CSF1R: variants seen among roughly 807,000 people sequenced by gnomAD.
The protein encoded by CSF1R is colony stimulating factor 1 receptor.
Under a neutral mutation model 110.0 loss-of-function variants are expected in CSF1R, and 40 were observed. The observed-to-expected ratio is 0.36, with a 90% CI of 0.28 to 0.47. The LOEUF (loss-of-function observed/expected upper bound fraction) is 0.47. Ranked by LOEUF, CSF1R falls within the 20% of genes least tolerant of loss-of-function variation. The pLI is 0.99. For synonymous variants in CSF1R, 523 were observed against 503.4 expected (o/e 1.04, Z -0.52); for missense variants, 1,052 against 1,253.0 (o/e 0.84, Z 2.42).
chr5:150,078,526 C>T (rs1453766477), intron 3 of CSF1R, among the ~76,000 whole-genome samples: 7 of 152,142 alleles, frequency 4.6e-5, no homozygotes, highest in Non-Finnish European at 7.4e-5. Context: ...CAGAGACCTC[C>T]CTGCCTCCCT....
intron 1 of CSF1R, among the ~76,000 whole-genome samples, chr5:150,093,192 C>T (rs1366921270): frequency 8.5e-5 from 13 of 152,196 alleles, no homozygotes; most frequent in African/African-American, 2.4e-4. Flanking sequence ...GATTCTCACG[C>T]ATCAGCCTCC....
upstream of CSF1R, chr5:150,086,566 C>G: frequency 1.3e-6 from 1 of 752,670 alleles, no homozygotes; most frequent in Non-Finnish European, 2.2e-6. Context: ...TCTTGTTTTC[C>G]TCTTCCTCCT....
intron 6 of CSF1R, among the ~76,000 whole-genome samples, chr5:150,071,271 G>A (rs1758020450): frequency 2.0e-5 from 3 of 152,122 alleles, no homozygotes; most frequent in Admixed American, 2.0e-4. Context: ...CTGATTCTGG[G>A]AAATTTTTTG....
At chr5:150,084,363 G>C (rs1205573735) in intron 1 of CSF1R, among the ~76,000 whole-genome samples, 3 of 52,346 alleles carry the variant, frequency 5.7e-5, no homozygotes, top group Non-Finnish European at 1.1e-4. Context: ...AAGAAAGAAA[G>C]AAAGAAAGAA....
chr5:150,081,083 T>C lies in CSF1R; in HGVS notation c.50-59A>G, dbSNP rs949503342. On this transcript the variant is annotated intron_variant, in intron 1 of 20. Transcript: ENST00000675795. The stretch of plus-strand genomic sequence containing the variant: ...GGTCTAGGATGCGCCCCTTGGGCCG[T>C]CCTGACTCTGAGATGGGTGGTAGCT... 7 of 1,586,936 alleles carry C rather than the reference T, an allele frequency of 4.4e-6. No individual in the cohort carries two copies. In the Admixed American group the frequency reaches 6.8e-5, roughly 15 times the overall value.
intron 1 of CSF1R, among the ~76,000 whole-genome samples, chr5:150,111,936 G>A (rs937202235): frequency 5.3e-5 from 8 of 152,072 alleles, no homozygotes; most frequent in Non-Finnish European, 8.8e-5. Context: ...TACTTTAACC[G>A]GGCTCCCCAT....
intron 1 of CSF1R, among the ~76,000 whole-genome samples, chr5:150,093,829 CAAGGTGGG>C (rs1759122087): frequency 1.3e-5 from 2 of 152,112 alleles, no homozygotes; most frequent in African/African-American, 4.8e-5. Flanking sequence ...TTTGGGAGGC[CAAGGTGGG>C]CAGGTCACCT....
chr5:150,089,124 A>G (rs1758955967), upstream of CSF1R, among the ~76,000 whole-genome samples: 1 of 152,224 alleles, frequency 6.6e-6, no homozygotes, highest in South Asian at 2.1e-4. Flanking sequence ...ATTCAATGGT[A>G]AAAGACTGAG....
At chr5:150,079,678 A>G (rs1758435042) in intron 3 of CSF1R, among the ~76,000 whole-genome samples, 1 of 152,228 alleles carries the variant, frequency 6.6e-6, no homozygotes, top group Non-Finnish European at 1.5e-5. Context: ...GCTGAAGCAG[A>G]TCTTTGCACA....
intron 1 of CSF1R, among the ~76,000 whole-genome samples, chr5:150,109,180 G>C (rs1311290979): frequency 6.6e-6 from 1 of 151,592 alleles, no homozygotes; most frequent in Non-Finnish European, 1.5e-5. Context: ...ACACCCCCGG[G>C]GAAGGTAGGA....
intron 1 of CSF1R, among the ~76,000 whole-genome samples, chr5:150,112,700 G>A (rs1315006591): frequency 1.3e-5 from 2 of 152,220 alleles, no homozygotes; most frequent in East Asian, 1.9e-4. Flanking sequence ...TCCCTGGGAT[G>A]GTGGGCTTTG....
chr5:150,070,631 T>C, intron 6 of CSF1R, 60 bp from the exon 7 acceptor site: 1 of 1,227,594 alleles, frequency 8.1e-7, no homozygotes, highest in Non-Finnish European at 1.1e-6. Flanking sequence ...CCTGCCAGGA[T>C]TGCAGTCAGA....
chr5:150,057,242 G>A (rs2113781671), intron 16 of CSF1R, 45 bp downstream of exon 16: 1 of 1,556,354 alleles, frequency 6.4e-7, no homozygotes, highest in Non-Finnish European at 8.8e-7. Flanking sequence ...CCTCCCCGGA[G>A]CACAGACCTG....
chr5:150,106,770 C>T (rs893431455), intron 1 of CSF1R, among the ~76,000 whole-genome samples: 1 of 152,194 alleles, frequency 6.6e-6, no homozygotes, highest in Non-Finnish European at 1.5e-5. Flanking sequence ...ACACTTGCAG[C>T]TCCTGCATAC....
At chr5:150,061,880 C>A in intron 10 of CSF1R, 31 bp from the exon 11 acceptor site, 2 of 1,613,526 alleles carry the variant, frequency 1.2e-6, no homozygotes, top group South Asian at 2.2e-5. Flanking sequence ...ACGTGGCAGT[C>A]GGGGCTGGCA....
intron 10 of CSF1R, 73 bp from the exon 11 acceptor site, chr5:150,061,922 A>G (rs960535415): frequency 3.0e-5 from 48 of 1,604,544 alleles, no homozygotes; most frequent in Non-Finnish European, 4.1e-5. Context: ...CTGACCCCCA[A>G]GAGCAGGGGT....
In CSF1R at chr5:150,078,158, C is replaced by T; in HGVS notation, c.683G>A (p.Ser228Asn). The T allele has an allele frequency of 6.2e-7, 1 of 1,614,156 alleles. No individual in the cohort carries two copies. The change falls in exon 4 of 21, where the codon AGC (serine) becomes AAC (asparagine). Residue 228 changes from serine (S) to asparagine (N), a missense_variant. Coordinates refer to ENST00000675795, the MANE Select transcript of CSF1R (RefSeq NM_001288705.3). Reference protein sequence around the residue: ...EAAQIVCSASSVDVNFDVFLQ... With the variant: ...EAAQIVCSASNVDVNFDVFLQ... ...GAAGACATCAAAGTTAACATCAACG[C>T]TGCTGGCTGAGCACACGATCTGGGC...
chr5:150,101,641 T>A (rs533587391), intron 1 of CSF1R, among the ~76,000 whole-genome samples: 12 of 150,300 alleles, frequency 8.0e-5, no homozygotes, highest in African/African-American at 2.7e-4. Context: ...TCCCACTCCT[T>A]GCTTGCTTTC....
rs34030164 is a variant in CSF1R, at chr5:150,054,325, C to G, written c.2760G>C (p.Glu920Asp). ...CCCCAAGCCTCACCCCACTCACCCGCTCTCTCCTGTCCTCTTGGGCCTGCT... is the reference window on the plus strand; with the variant it reads ...CCCCAAGCCTCACCCCACTCACCCGGTCTCTCCTGTCCTCTTGGGCCTGCT... ...LQEQAQEDRRERDYTNLPSSS... is the reference protein window; with the variant it reads ...LQEQAQEDRRDRDYTNLPSSS... The change falls in exon 20 of 21, where the codon GAG becomes GAC. Residue 920 changes from glutamate (E) to aspartate (D), a missense_variant. Glu to Asp is a conservative substitution (Grantham distance 45). Coordinates refer to ENST00000675795, the MANE Select transcript of CSF1R (RefSeq NM_001288705.3). 4,291 of 1,614,180 alleles carry G rather than the reference C, an allele frequency of 2.7e-3. 11 individuals carry two copies. The highest frequency in any genetic ancestry group is 2.8e-3 in the Non-Finnish European group (3,320 of 1,180,020).
Sources: gnomAD v4.1 joint callset for allele counts (sites outside exome capture counted in the v4.1 genomes callset) on GRCh38, gnomAD v4.1.1 for gene constraint, MANE v1.5 for transcripts, NCBI Gene and HGNC (gene_info 2026-07-23, HGNC 2026-07-21) for gene names.